The following CSMD1 variants were observed in gnomAD, a reference collection of about 807,000 sequenced individuals.
CSMD1 encodes CUB and sushi domain-containing protein 1.
Under a neutral mutation model 417.5 loss-of-function variants are expected in CSMD1, and 213 were observed. The ratio of observed to expected loss-of-function variants is 0.51; its 90% CI spans 0.46 to 0.57. The LOEUF (loss-of-function observed/expected upper bound fraction) is 0.57. CSMD1 is among the 20% of genes least tolerant of loss of function. The pLI is 0.00. For synonymous variants in CSMD1, 2,862 were observed against 1,736.8 expected, an observed-to-expected ratio of 1.65 and a Z score of -16.11; for missense variants, 6,923 against 4,529.7, an observed-to-expected ratio of 1.53 and a Z score of -15.17.
chr8:4,144,231 C>T (rs1299096950), intron 3 of CSMD1, among the ~76,000 whole-genome samples: 1 of 150,990 alleles, frequency 6.6e-6, no homozygotes, highest in Admixed American at 6.6e-5. Context: ...TGATTCAGCA[C>T]AAACTGGCCG....
chr8:4,045,159 C>G (rs561982735), intron 3 of CSMD1, among the ~76,000 whole-genome samples: 2 of 152,132 alleles, frequency 1.3e-5, no homozygotes, highest in African/African-American at 4.8e-5. Context: ...GCCACGCAGT[C>G]GTGGGCTGGG....
At chr8:4,970,564 C>T (rs1272662138) in intron 1 of CSMD1, among the ~76,000 whole-genome samples, 3 of 151,792 alleles carry the variant, frequency 2.0e-5, no homozygotes, top group Non-Finnish European at 4.4e-5. Context: ...GTGGTATGAA[C>T]AATACTAATG....
At chr8:4,216,013 G>C (rs1451285041) in intron 3 of CSMD1, among the ~76,000 whole-genome samples, 1 of 152,164 alleles carries the variant, frequency 6.6e-6, no homozygotes, top group Non-Finnish European at 1.5e-5. Context: ...GCCACAAATA[G>C]CCAGTCCTCT....
At chr8:4,001,258 A>T (rs188280458) in intron 4 of CSMD1, among the ~76,000 whole-genome samples, 1 of 152,152 alleles carries the variant, frequency 6.6e-6, no homozygotes, top group Non-Finnish European at 1.5e-5. Context: ...CCAGAAGTGA[A>T]TTTAAACCTA....
intron 3 of CSMD1, among the ~76,000 whole-genome samples, chr8:4,334,580 C>A (rs1164256264): frequency 6.6e-6 from 1 of 152,082 alleles, no homozygotes; most frequent in Admixed American, 6.6e-5. Flanking sequence ...GACAGAGAGA[C>A]ATCTCTATTT....
intron 8 of CSMD1, among the ~76,000 whole-genome samples, chr8:3,610,249 C>T (rs1407169945): frequency 1.3e-5 from 2 of 152,036 alleles, no homozygotes; most frequent in East Asian, 1.9e-4. Context: ...AACAATAAAT[C>T]GATATGTGGG....
At chr8:4,585,657 A>G (rs1360705854) in intron 2 of CSMD1, among the ~76,000 whole-genome samples, 1 of 152,216 alleles carries the variant, frequency 6.6e-6, no homozygotes, top group Non-Finnish European at 1.5e-5. Flanking sequence ...AATAAAAGTT[A>G]CAGAAGATTT....
At chr8:4,528,805 C>G (rs550390332) in intron 2 of CSMD1, among the ~76,000 whole-genome samples, 26 of 151,494 alleles carry the variant, frequency 1.7e-4, no homozygotes, top group South Asian at 1.3e-3. Context: ...CTCTCTCTCT[C>G]ATACACACAC....
intron 1 of CSMD1, among the ~76,000 whole-genome samples, chr8:4,817,827 C>A (rs562095278): frequency 6.6e-6 from 1 of 152,234 alleles, no homozygotes; most frequent in African/African-American, 2.4e-5. Context: ...GAGCTTGTAA[C>A]TACAGGATCA....
At chr8:4,030,615 G>T (rs1043981959) in intron 4 of CSMD1, among the ~76,000 whole-genome samples, 3 of 152,188 alleles carry the variant, frequency 2.0e-5, no homozygotes, top group Non-Finnish European at 4.4e-5. Context: ...GGGTTGCTGT[G>T]AAGACCTCTG....
At chr8:4,224,016 C>A (rs187307694) in intron 3 of CSMD1, among the ~76,000 whole-genome samples, 3 of 152,190 alleles carry the variant, frequency 2.0e-5, no homozygotes, top group Admixed American at 2.0e-4. Context: ...ACTCGTATCC[C>A]GGGTACGTTA....
intron 23 of CSMD1, among the ~76,000 whole-genome samples, chr8:3,331,815 T>C (rs1215199456): frequency 6.6e-6 from 1 of 152,264 alleles, no homozygotes; most frequent in Non-Finnish European, 1.5e-5. Flanking sequence ...CAGTTACTCC[T>C]ATTTCTTTAT....
chr8:4,359,993 T>C (rs1485859842), intron 3 of CSMD1, among the ~76,000 whole-genome samples: 1 of 152,214 alleles, frequency 6.6e-6, no homozygotes, highest in East Asian at 1.9e-4. Context: ...CAAATGCCAC[T>C]GCCATCCCAG....
intron 5 of CSMD1, among the ~76,000 whole-genome samples, chr8:3,831,494 G>A (rs1162306019): frequency 6.6e-6 from 1 of 152,170 alleles, no homozygotes; most frequent in Non-Finnish European, 1.5e-5. Flanking sequence ...GAAGCCCACA[G>A]TGTAGATGCT....
chr8:3,526,602 C>G (rs1563122919), intron 10 of CSMD1, among the ~76,000 whole-genome samples: 1 of 152,122 alleles, frequency 6.6e-6, no homozygotes, highest in Non-Finnish European at 1.5e-5. Flanking sequence ...AATGTGTGAT[C>G]CTACAAGTAT....
chr8:4,469,021 A>G (rs186265767), intron 2 of CSMD1, among the ~76,000 whole-genome samples: 24 of 152,322 alleles, frequency 1.6e-4, no homozygotes, highest in African/African-American at 5.5e-4. Flanking sequence ...AAAAAGTTCA[A>G]AAGACAATGC....
intron 2 of CSMD1, among the ~76,000 whole-genome samples, chr8:4,594,008 G>A (rs185786481): frequency 3.9e-4 from 60 of 152,048 alleles, no homozygotes; most frequent in African/African-American, 1.4e-3. Context: ...ACCTTCTGGA[G>A]GTTGTTGGGA....
chr8:3,483,019 T>C (rs1365622850), intron 11 of CSMD1, among the ~76,000 whole-genome samples: 2 of 151,958 alleles, frequency 1.3e-5, no homozygotes. Context: ...ATGACTACAT[T>C]AGATAGAAAA....
chr8:4,071,755 C>A (rs79654495), intron 3 of CSMD1, among the ~76,000 whole-genome samples: 1 of 151,998 alleles, frequency 6.6e-6, no homozygotes, highest in African/African-American at 2.4e-5. Flanking sequence ...TTTATTTCGT[C>A]TTTGGGGTTT....
Sources: gnomAD v4.1 joint callset for allele counts (sites outside exome capture counted in the v4.1 genomes callset) on GRCh38, gnomAD v4.1.1 for gene constraint, MANE v1.5 for transcripts, NCBI Gene and HGNC (gene_info 2026-07-23, HGNC 2026-07-21) for gene names.